Variants in HFM1 observed in about 807,000 individuals in gnomAD.
HFM1 encodes the protein probable ATP-dependent DNA helicase HFM1.
Under a neutral mutation model 192.1 loss-of-function variants are expected in HFM1, and 169 were observed. The observed-to-expected ratio is 0.88, with a 90% CI of 0.78 to 1.00. The LOEUF is 1.00. Ranked by LOEUF, HFM1 falls within the 50% of genes least tolerant of loss-of-function variation. HFM1 has a pLI of 0.00. For synonymous variants in HFM1, 525 were observed against 537.8 expected (o/e 0.98, Z 0.33); for missense variants, 1,661 against 1,668.0 (o/e 1.00, Z 0.07).
At chr1:91,296,211 G>A (rs570624007) in intron 30 of HFM1, among the ~76,000 whole-genome samples, 14 of 152,246 alleles carry the variant, frequency 9.2e-5, no homozygotes, top group Admixed American at 2.6e-4. Flanking sequence ...GAGCCACCGC[G>A]CCCAGACTGA....
At chr1:91,403,012 A>G (rs1279911562) in intron 1 of HFM1, among the ~76,000 whole-genome samples, 1 of 151,986 alleles carries the variant, frequency 6.6e-6, no homozygotes, top group Non-Finnish European at 1.5e-5. Context: ...TTGGGTTCAG[A>G]ATAAAAATAT....
rs754133845 is a variant in HFM1 at position 91,380,087 on chromosome 1, T to G, written c.1006+17A>C. On this transcript the variant is annotated intron_variant, in intron 8 of 38. Coordinates refer to ENST00000370425, the MANE Select transcript of HFM1 (RefSeq NM_001017975.6). ...TCATTATTATAATTAGTCATCACTC[T>G]TATAATAAATACTTACTGTAAACAA... The G allele has an allele frequency of 8.1e-7, 1 of 1,229,738 alleles. No individual in the cohort carries two copies. The highest frequency in any genetic ancestry group is 1.1e-6 in the Non-Finnish European group (1 of 890,812). The allele number at this position is 1,229,738 out of a possible 1,614,324, so 76.2% of individuals were successfully genotyped here. A position where few individuals can be genotyped will look rare whatever the true frequency, so the allele number is the denominator to read the frequency against.
At chr1:91,368,167 C>T (rs1659638666) in intron 13 of HFM1, among the ~76,000 whole-genome samples, 2 of 152,202 alleles carry the variant, frequency 1.3e-5, no homozygotes, top group African/African-American at 4.8e-5. Flanking sequence ...AGTTGGAAAA[C>T]TCTCTGCAGG....
In HFM1 at chr1:91,323,193, A is replaced by G. The variant is rs780467293; in HGVS notation, c.2434T>C (p.Leu812=). Residue 812 remains leucine (L), a synonymous_variant, in exon 22 of 39, where the codon TTG becomes CTG. Coordinates refer to ENST00000370425, the MANE Select transcript of HFM1 (RefSeq NM_001017975.6). The stretch of plus-strand genomic sequence containing the variant: ...AGAAATTCCTTGCAGCCAGCTATCA[A>G]TGTAACCTATAACATTTCAGTAGTT... ...GKETLSDLVT[L]IAGCKEFLDI... is the part of the protein sequence containing the mutation. 8.2e-5 allele frequency: 124 copies of G among 1,506,250 alleles called. 1 individual carries two copies. In the Middle Eastern group the frequency reaches 3.1e-3, roughly 37 times the overall value. The allele number at this position is 1,506,250 out of a possible 1,614,324, so 93.3% of individuals were successfully genotyped here.
chr1:91,391,519 T>C (rs945928103), intron 4 of HFM1, among the ~76,000 whole-genome samples: 3 of 152,338 alleles, frequency 2.0e-5, no homozygotes, highest in African/African-American at 4.8e-5. Flanking sequence ...CCCTATTTAA[T>C]AAATGGTGCT....
chr1:91,300,642 A>C (rs552549049), intron 30 of HFM1, among the ~76,000 whole-genome samples: 1 of 152,360 alleles, frequency 6.6e-6, no homozygotes, highest in East Asian at 1.9e-4. Flanking sequence ...ATGCAAATCA[A>C]TAAACTTAAT....
chr1:91,372,462 T>C (rs1376414244), intron 13 of HFM1, among the ~76,000 whole-genome samples: 1 of 152,110 alleles, frequency 6.6e-6, no homozygotes, highest in African/African-American at 2.4e-5. Flanking sequence ...CTGGAAACTA[T>C]CATTCGCAGC....
chr1:91,308,938 G>GCC (rs572442619), intron 30 of HFM1, among the ~76,000 whole-genome samples: 55 of 152,206 alleles, frequency 3.6e-4, no homozygotes, highest in African/African-American at 9.6e-4. Flanking sequence ...AGTCCTTAGT[G>GCC]CTTCCACAAA....
At chr1:91,338,704 G>A (rs1018431276) in intron 20 of HFM1, among the ~76,000 whole-genome samples, 5 of 152,058 alleles carry the variant, frequency 3.3e-5, no homozygotes, top group South Asian at 2.1e-4. Context: ...CACCACGGCC[G>A]TGGCCCCACC....
At chr1:91,377,267 T>C (rs1215872254) in intron 11 of HFM1, among the ~76,000 whole-genome samples, 1 of 151,880 alleles carries the variant, frequency 6.6e-6, no homozygotes, top group Non-Finnish European at 1.5e-5. Context: ...AAGTTGTCAT[T>C]TCAAGAACAA....
Position 91,375,747 on chromosome 1 carries a change from G to A in HFM1, c.1396-20C>T, listed in dbSNP as rs1213605166. On this transcript the variant is annotated intron_variant, in intron 11 of 38. Coordinates refer to ENST00000370425, the MANE Select transcript of HFM1 (RefSeq NM_001017975.6). The stretch of plus-strand genomic sequence containing the variant: ...TGCAATCTTTGAAACACAAAAATAT[G>A]TGCATTAAAATTTTCTTCTAGTAAA... The A allele has an allele frequency of 1.9e-6, 3 of 1,604,224 alleles. No homozygotes were observed. The highest frequency in any genetic ancestry group is 2.6e-6 in the Non-Finnish European group (3 of 1,172,562).
intron 23 of HFM1, among the ~76,000 whole-genome samples, chr1:91,321,482 A>C (rs282002): frequency 1 from 151,999 of 152,182 alleles, 75,908 homozygotes; most frequent in Non-Finnish European, 1. Context: ...ATAAAAAGGG[A>C]AGAAACCAGA....
chr1:91,365,789 T>C (rs1304332594), intron 13 of HFM1, among the ~76,000 whole-genome samples: 2 of 152,038 alleles, frequency 1.3e-5, no homozygotes, highest in Admixed American at 6.6e-5. Flanking sequence ...TTAGGTATCT[T>C]AGAAATGTCG....
chr1:91,269,229 C>T (rs1415863212), intron 34 of HFM1, among the ~76,000 whole-genome samples: 1 of 151,966 alleles, frequency 6.6e-6, no homozygotes, highest in Non-Finnish European at 1.5e-5. Context: ...CACGACAGAA[C>T]CCTATAATAT....
At chr1:91,346,654 C>A (rs1166993900) in intron 19 of HFM1, among the ~76,000 whole-genome samples, 1 of 152,114 alleles carries the variant, frequency 6.6e-6, no homozygotes, top group African/African-American at 2.4e-5. Context: ...GTAGCAATTT[C>A]TAATCTGAAT....
chr1:91,312,605 T>A (rs1650632049), intron 30 of HFM1, among the ~76,000 whole-genome samples: 1 of 152,204 alleles, frequency 6.6e-6, no homozygotes, highest in African/African-American at 2.4e-5. Flanking sequence ...CTTTTGATTT[T>A]ACAGGCTCAT....
At chr1:91,325,267 C>T (rs998874790) in intron 20 of HFM1, among the ~76,000 whole-genome samples, 4 of 152,162 alleles carry the variant, frequency 2.6e-5, no homozygotes, top group Non-Finnish European at 5.9e-5. Flanking sequence ...TCTTCCAATC[C>T]CTGGCTCTCA....
intron 13 of HFM1, among the ~76,000 whole-genome samples, chr1:91,356,225 A>G (rs944099286): frequency 1.3e-5 from 2 of 152,204 alleles, no homozygotes; most frequent in Non-Finnish European, 2.9e-5. Context: ...GAGATGCAGC[A>G]AAAGTGGTTC....
At chr1:91,341,837 A>C (rs1185867287) in intron 20 of HFM1, among the ~76,000 whole-genome samples, 1 of 152,016 alleles carries the variant, frequency 6.6e-6, no homozygotes, top group South Asian at 2.1e-4. Context: ...TAGAAAACCT[A>C]GAAGAAATGG....
Sources: gnomAD v4.1 joint callset for allele counts (sites outside exome capture counted in the v4.1 genomes callset) on GRCh38, gnomAD v4.1.1 for gene constraint, MANE v1.5 for transcripts, NCBI Gene and HGNC (gene_info 2026-07-23, HGNC 2026-07-21) for gene names.